The following CRACR2A variants were observed in gnomAD, a reference collection of about 807,000 sequenced individuals.
CRACR2A encodes the protein calcium release activated channel regulator 2A, also known as EF-hand calcium-binding domain-containing protein 4B.
CRACR2A carries 79 observed loss-of-function variants against 90.5 expected under a neutral mutation model. The ratio of observed to expected loss-of-function variants is 0.87; its 90% CI spans 0.73 to 1.05. The LOEUF (loss-of-function observed/expected upper bound fraction) is 1.05, where lower values mean the gene tolerates loss of function less well. Ranked by LOEUF, CRACR2A falls within the 50% of genes least tolerant of loss-of-function variation. The pLI is 0.00. For synonymous variants in CRACR2A, 338 were observed against 356.7 expected (o/e 0.95, Z 0.59); for missense variants, 823 against 897.2 (o/e 0.92, Z 1.06).
intron 2 of CRACR2A, among the ~76,000 whole-genome samples, chr12:3,724,612 C>A (rs1045854647): frequency 3.9e-5 from 6 of 152,326 alleles, no homozygotes; most frequent in Admixed American, 3.9e-4. Flanking sequence ...GTTTAGATAT[C>A]TGCAGGTAGG....
intron 8 of CRACR2A, 117 bp downstream of exon 8, chr12:3,659,447 C>T (rs1944982508): frequency 5.3e-6 from 4 of 760,962 alleles, no homozygotes; most frequent in Non-Finnish European, 8.6e-6. Flanking sequence ...AAAAATACAG[C>T]AGAGAAAGAG....
intron 1 of CRACR2A, among the ~76,000 whole-genome samples, chr12:3,749,215 A>T (rs939871077): frequency 2.6e-5 from 4 of 152,126 alleles, no homozygotes; most frequent in Non-Finnish European, 5.9e-5. Flanking sequence ...CTTTCTTTGC[A>T]TTGCTCTTGT....
At chr12:3,635,224 T>C (rs1260830080) in intron 14 of CRACR2A, among the ~76,000 whole-genome samples, 1 of 152,108 alleles carries the variant, frequency 6.6e-6, no homozygotes, top group Non-Finnish European at 1.5e-5. Context: ...CTCAGGTATG[T>C]TCATGCACTT....
intron 7 of CRACR2A, among the ~76,000 whole-genome samples, chr12:3,666,364 T>TGTGTGTGTGC (rs765943563): frequency 1.7e-4 from 25 of 149,498 alleles, no homozygotes; most frequent in African/African-American, 4.7e-4. Flanking sequence ...TGCGTGCGTG[T>TGTGTGTGTGC]GCGCGTGCGC....
At chr12:3,744,346 T>C (rs1946576751) in intron 1 of CRACR2A, among the ~76,000 whole-genome samples, 1 of 152,242 alleles carries the variant, frequency 6.6e-6, no homozygotes, top group Non-Finnish European at 1.5e-5. Context: ...ATGGTTCACA[T>C]AATACAAACC....
intron 10 of CRACR2A, among the ~76,000 whole-genome samples, chr12:3,653,935 T>C (rs1944846543): frequency 2.0e-5 from 3 of 152,252 alleles, no homozygotes; most frequent in Admixed American, 2.0e-4. Context: ...TAACCTCATA[T>C]TTGTTTGCGG....
At chr12:3,687,985 T>C (rs565256136) in intron 4 of CRACR2A, among the ~76,000 whole-genome samples, 1 of 152,352 alleles carries the variant, frequency 6.6e-6, no homozygotes, top group South Asian at 2.1e-4. Context: ...CATGTATGTC[T>C]TCTTTTGAAA....
intron 15 of CRACR2A, among the ~76,000 whole-genome samples, chr12:3,631,730 G>C (rs1029574229): frequency 6.6e-6 from 1 of 152,216 alleles, no homozygotes; most frequent in African/African-American, 2.4e-5. Flanking sequence ...AACAGTGTAA[G>C]AAAAGGCCCA....
At chr12:3,629,157 C>T (rs1188242476) in intron 15 of CRACR2A, among the ~76,000 whole-genome samples, 1 of 152,124 alleles carries the variant, frequency 6.6e-6, no homozygotes, top group Non-Finnish European at 1.5e-5. Context: ...TGCATATGTA[C>T]TCATACATAC....
chr12:3,644,281 G>A (rs780541336), intron 12 of CRACR2A, among the ~76,000 whole-genome samples: 4 of 152,016 alleles, frequency 2.6e-5, no homozygotes, highest in Non-Finnish European at 4.4e-5. Context: ...TGGTTTAGAA[G>A]TGATAATGAC....
intron 3 of CRACR2A, among the ~76,000 whole-genome samples, chr12:3,697,795 A>T (rs553328985): frequency 2.0e-5 from 3 of 152,210 alleles, no homozygotes; most frequent in Non-Finnish European, 4.4e-5. Flanking sequence ...GTTGTAGAGG[A>T]CTTGCCAGGC....
chr12:3,686,737 C>G (rs1360394271), intron 4 of CRACR2A, among the ~76,000 whole-genome samples: 1 of 152,148 alleles, frequency 6.6e-6, no homozygotes, highest in Non-Finnish European at 1.5e-5. Context: ...CCAATTCTGT[C>G]TGGAGAGATC....
Position 3,696,828 on chromosome 12 carries a change from A to G in CRACR2A, c.172T>C (p.Phe58Leu). 1 of 1,613,962 alleles carries G rather than the reference A, an allele frequency of 6.2e-7. No homozygotes were observed. The highest frequency in any genetic ancestry group is 8.5e-7 in the Non-Finnish European group (1 of 1,179,980). The change falls in exon 4 of 20, where the codon TTC (phenylalanine) becomes CTC (leucine). Residue 58 changes from phenylalanine (F) to leucine (L), a missense_variant. Physicochemically the swap from Phe to Leu is conservative, Grantham distance 22. Transcript: ENST00000440314. ...QLVMLRKAQE[F>L]FQTCDAEGKG... Reference sequence around the variant, plus strand: ...CCTTCAGCATCACAGGTCTGAAAGAACTCCTGTGCCTTCCTCAGCATGACT... The same window carrying G: ...CCTTCAGCATCACAGGTCTGAAAGAGCTCCTGTGCCTTCCTCAGCATGACT...
chr12:3,717,827 A>G (rs1761192824), intron 2 of CRACR2A, among the ~76,000 whole-genome samples: 1 of 152,168 alleles, frequency 6.6e-6, no homozygotes. Context: ...ACACTTAGTC[A>G]TCTTCAATGA....
intron 3 of CRACR2A, among the ~76,000 whole-genome samples, chr12:3,698,889 T>C (rs201126500): frequency 1.8e-4 from 27 of 152,152 alleles, no homozygotes; most frequent in African/African-American, 5.6e-4. Flanking sequence ...GAACAGGCTG[T>C]TGTCTTCCTG....
At chr12:3,682,207 C>G (rs577454892) in intron 4 of CRACR2A, among the ~76,000 whole-genome samples, 1 of 152,214 alleles carries the variant, frequency 6.6e-6, no homozygotes, top group African/African-American at 2.4e-5. Flanking sequence ...TCCTTCCCCA[C>G]CCTCAGACTA....
chr12:3,659,558 A>G lies in CRACR2A; in HGVS notation c.762+6T>C. Reference sequence around the variant, plus strand: ...TCAGAGCCAAGCCTGGGGAGCGTACACTTACCTTCAGGAGAAACTGCTCCT... The same window carrying G: ...TCAGAGCCAAGCCTGGGGAGCGTACGCTTACCTTCAGGAGAAACTGCTCCT... On this transcript the variant is annotated splice_donor_region_variant and intron_variant, in intron 8 of 19. Transcript: ENST00000440314. 1 of 1,613,870 alleles carries G rather than the reference A, an allele frequency of 6.2e-7. No individual in the cohort carries two copies. The highest frequency in any genetic ancestry group is 8.5e-7 in the Non-Finnish European group (1 of 1,179,766).
At chr12:3,729,066 G>A (rs1946318416) in intron 2 of CRACR2A, 1 of 152,252 alleles carries the variant, frequency 6.6e-6, no homozygotes, top group Non-Finnish European at 1.5e-5. Flanking sequence ...TGGCACTGCA[G>A]CTTTCTGTTG....
chr12:3,727,573 C>T (rs192064722), intron 2 of CRACR2A: 1 of 152,122 alleles, frequency 6.6e-6, no homozygotes, highest in South Asian at 2.1e-4. Context: ...CTGATCTAGA[C>T]AGAATGCATG....
Sources: allele counts gnomAD v4.1 joint callset (sites outside exome capture counted in the v4.1 genomes callset), GRCh38; gene constraint gnomAD v4.1.1; transcripts MANE v1.5; gene names NCBI Gene and HGNC (gene_info 2026-07-23, HGNC 2026-07-21).